NXF1: variants seen among roughly 807,000 people sequenced by gnomAD.
NXF1 encodes the protein nuclear RNA export factor 1.
A neutral mutation model predicts 92.4 loss-of-function variants in NXF1; 43 were observed. That is an observed-to-expected ratio of 0.47 (90% confidence interval 0.36 to 0.60). The LOEUF (loss-of-function observed/expected upper bound fraction) is 0.60. NXF1 is among the 20% of genes least tolerant of loss of function. The pLI, the probability that NXF1 is intolerant of heterozygous loss-of-function variation, is 0.00. For missense variants in NXF1, 576 were observed against 793.0 expected (o/e 0.73, Z 3.29); for synonymous variants, 288 against 292.2 (o/e 0.99, Z 0.15).
At position 62,792,141 on chromosome 11, in the gene NXF1, T is replaced by C. The variant is rs1388502574; in HGVS notation, c.*335A>G. On this transcript the variant is annotated 3_prime_UTR_variant, in exon 21 of 21. Transcript: ENST00000294172. ...CGCAGAACACGAAATACAACATCAC[T>C]CTTTATATTAAAAAGTGCAGAACAC... is the stretch of plus-strand genomic sequence containing the variant. 1.0e-5 allele frequency: 7 copies of C among 690,732 alleles called. No individual in the cohort carries two copies. The East Asian group carries it at 1.9e-4, about 19-fold the overall frequency. The allele number at this position is 690,732 out of a possible 1,614,324, so 42.8% of individuals were successfully genotyped here.
Position 62,795,924 on chromosome 11 carries a change from G to C in NXF1, c.1481C>G (p.Ser494Cys), listed in dbSNP as rs2084415335. The change falls in exon 17 of 21, where the codon TCT becomes TGT. Residue 494 changes from serine (S) to cysteine (C), a missense_variant. By Grantham distance (112) the Ser-to-Cys change is moderately radical (BLOSUM62 -1). Around this residue, in one of 2 missense-constraint regions of NXF1, gnomAD observed 425 missense variants for 635.2 expected, o/e 0.67. Coordinates refer to ENST00000294172, the MANE Select transcript of NXF1 (RefSeq NM_006362.5). ...SAQTSTLLCF[S>C]VNGVFKEVDG... is the part of the protein sequence containing the mutation. ...ACCTTCCTTGAAGACTCCATTGACA[G>C]AAAAACACAGCAATGTGCTCTGAAA... 10 of 1,613,862 alleles carry C rather than the reference G, an allele frequency of 6.2e-6. No individual in the cohort carries two copies. The East Asian group carries it at 2.2e-4, about 36-fold the overall frequency.
At chr11:62,802,385 G>A in intron 3 of NXF1, 125 bp from the exon 4 acceptor site, 1 of 702,426 alleles carries the variant, frequency 1.4e-6, no homozygotes, top group East Asian at 2.7e-5. Context: ...CCAGTACTAG[G>A]TTTTCTACTT....
chr11:62,801,086 A>T lies in NXF1; in HGVS notation c.906+8T>A. On this transcript the variant is annotated splice_region_variant and intron_variant, in intron 9 of 20. Coordinates refer to ENST00000294172, the MANE Select transcript of NXF1 (RefSeq NM_006362.5). The stretch of plus-strand genomic sequence containing the variant: ...CTTCAAAAATATAGCCGAGCTATCA[A>T]TTCTCACTTCATTTCCAGAAAGGTT... 6.2e-7 allele frequency: 1 copy of T among 1,606,212 alleles called. No homozygotes were observed. Among genetic ancestry groups the T allele is most frequent in the Non-Finnish European group, 8.5e-7 (1 of 1,172,818 alleles).
intron 18 of NXF1, 119 bp downstream of exon 18, chr11:62,794,816 T>G: frequency 2.2e-6 from 2 of 905,756 alleles, no homozygotes; most frequent in Non-Finnish European, 3.5e-6. Flanking sequence ...CTATGTGAGC[T>G]TTCTCTGATT....
rs768917028 is a variant in NXF1, at chr11:62,796,519, G to A, written c.1227C>T (p.Ala409=). 1.2e-6 allele frequency: 2 copies of A among 1,614,164 alleles called. No individual in the cohort carries two copies. The highest frequency in any genetic ancestry group is 1.7e-6 in the Non-Finnish European group (2 of 1,180,000). ...DSGDRQGLLD[A]YHDGACCSLS... ...GGGAACAGCAGGCCCCATCATGGTA[G>A]GCATCCAGGAGCCCTTGTCGGTCTC... Residue 409 remains alanine, a synonymous_variant, in exon 14 of 21, where the codon GCC becomes GCT. Transcript: ENST00000294172.
rs373618263 is a variant in NXF1 at position 62,801,394 on chromosome 11, C to T, written c.733G>A (p.Val245Ile). 53 of 1,613,970 alleles carry T rather than the reference C, an allele frequency of 3.3e-5. No homozygotes were observed. Among genetic ancestry groups the T allele is most frequent in the African/African-American group, 2.1e-4 (16 of 74,914 alleles). ...ATACAGCTTCTGCGATTCAGGACAA[C>T]GTCAATGTTCTGGGCCACCAAATCT... is the stretch of plus-strand genomic sequence containing the variant. ...DPDLVAQNID[V>I]VLNRRSCMAA... The change falls in exon 8 of 21, where the codon GTT becomes ATT. Residue 245 changes from valine to isoleucine, a missense_variant. Around this residue, in one of 2 missense-constraint regions of NXF1, gnomAD observed 425 missense variants for 635.2 expected, o/e 0.67. Transcript: ENST00000294172.
In NXF1 at chr11:62,792,660, T is replaced by C; in HGVS notation, c.1802A>G (p.Gln601Arg). The C allele has an allele frequency of 6.2e-7, 1 of 1,614,208 alleles. No homozygotes were observed. Among genetic ancestry groups the C allele is most frequent in the Non-Finnish European group, 8.5e-7 (1 of 1,180,040 alleles). The change falls in exon 20 of 21, where the codon CAG (glutamine) becomes CGG (arginine). Residue 601 changes from glutamine (Q) to arginine (R), a missense_variant. Physicochemically the swap from Gln to Arg is conservative, Grantham distance 43. Coordinates refer to ENST00000294172, the MANE Select transcript of NXF1 (RefSeq NM_006362.5). ...DNNWDYTRSA[Q>R]AFTHLKAKGE... ...CCTTACCTTGAGATGAGTGAAGGCC[T>C]GGGCAGATCTGGTGTAGTCCCAGTT... is the stretch of plus-strand genomic sequence containing the variant.
intron 5 of NXF1, 25 bp downstream of exon 5, chr11:62,801,917 G>A (rs1414152799): frequency 6.2e-7 from 1 of 1,611,252 alleles, no homozygotes; most frequent in Admixed American, 1.7e-5. Flanking sequence ...TCCACCTCCA[G>A]CCAAGCCAGG....
chr11:62,794,241 A>G lies in NXF1; in HGVS notation c.1760+17T>C. 2 of 1,604,992 alleles carry G rather than the reference A, an allele frequency of 1.2e-6. No individual in the cohort carries two copies. The highest frequency in any genetic ancestry group is 8.5e-7 in the Non-Finnish European group (1 of 1,172,444). On this transcript the variant is annotated intron_variant, in intron 19 of 20. Coordinates refer to ENST00000294172, the MANE Select transcript of NXF1 (RefSeq NM_006362.5). The stretch of plus-strand genomic sequence containing the variant: ...CTACTTCAGTGCATCCCCATCCTAC[A>G]CATGCCCCGCACTCACTTCTGGGAC...
At chr11:62,797,080 A>C (rs982271817) in intron 13 of NXF1, 103 bp downstream of exon 13, 73 of 1,097,832 alleles carry the variant, frequency 6.6e-5, no homozygotes, top group Non-Finnish European at 9.1e-5. Context: ...AAAAAAAAAA[A>C]AAACAAAACA....
chr11:62,793,407 T>C lies in NXF1; in HGVS notation c.1761-706A>G, dbSNP rs529390524. On this transcript the variant is annotated intron_variant, in intron 19 of 20. Transcript: ENST00000294172. ...TTAGGTTTTTTTAAGCAGCCAAAAG[T>C]TTTGCCTTTTAAAATTTCAGGAGCC... Among the ~76,000 whole-genome samples, 11 of 152,136 alleles carry C rather than the reference T, an allele frequency of 7.2e-5. No individual in the cohort carries two copies. The East Asian group carries it at 2.1e-3, about 29-fold the overall frequency.
intron 4 of NXF1, 53 bp downstream of exon 4, chr11:62,802,124 C>T: frequency 6.2e-7 from 1 of 1,606,800 alleles, no homozygotes; most frequent in Non-Finnish European, 8.5e-7. Context: ...GTCCAGCTTG[C>T]CCCTTCACCA....
At position 62,795,883 on chromosome 11, in the gene NXF1, G is replaced by A; in HGVS notation, c.1504+18C>T. 1 of 1,611,678 alleles carries A rather than the reference G, an allele frequency of 6.2e-7. No individual in the cohort carries two copies. On this transcript the variant is annotated intron_variant, in intron 17 of 20. Coordinates refer to ENST00000294172, the MANE Select transcript of NXF1 (RefSeq NM_006362.5). ...GGGTGGGACCACGCTACAAACTCGG[G>A]ACTCTAAAGATTCTTACCTTCCTTG...
At chr11:62,800,953 G>T in intron 9 of NXF1, 141 bp downstream of exon 9, 1 of 671,776 alleles carries the variant, frequency 1.5e-6, no homozygotes, top group Non-Finnish European at 2.6e-6. Flanking sequence ...TCCTGCCTTG[G>T]CCTCCCAAAG....
At chr11:62,799,713 G>A in intron 10 of NXF1, 1 of 986,194 alleles carries the variant, frequency 1.0e-6, no homozygotes, top group Non-Finnish European at 1.2e-6. Context: ...ACCTGCCTTG[G>A]GATTCCCTCG....
chr11:62,793,940 AC>A (rs1205553722), intron 19 of NXF1, among the ~76,000 whole-genome samples: 1 of 150,570 alleles, frequency 6.6e-6, no homozygotes, highest in Non-Finnish European at 1.5e-5. Context: ...GGCAGAGGTT[AC>A]AATGAGCCAA....
chr11:62,802,411 T>A, intron 3 of NXF1, 151 bp from the exon 4 acceptor site: 1 of 629,808 alleles, frequency 1.6e-6, no homozygotes, highest in East Asian at 2.8e-5. Context: ...ACACATAGAT[T>A]CTTTAACTCC....
At chr11:62,802,998 T>C (rs2084495719) in intron 3 of NXF1, among the ~76,000 whole-genome samples, 1 of 152,146 alleles carries the variant, frequency 6.6e-6, no homozygotes, top group Admixed American at 6.5e-5. Flanking sequence ...AAAAGATAGA[T>C]ACTTGAGTGT....
intron 3 of NXF1, among the ~76,000 whole-genome samples, chr11:62,803,058 T>C (rs758192960): frequency 4.6e-4 from 70 of 152,164 alleles, no homozygotes; most frequent in Non-Finnish European, 1.2e-4. Flanking sequence ...CGGTGGCTCA[T>C]GCCTATAATC....
Sources: allele counts gnomAD v4.1 joint callset (sites outside exome capture counted in the v4.1 genomes callset), GRCh38; gene constraint gnomAD v4.1.1; regional missense constraint gnomAD v4.1.1; transcripts MANE v1.5; gene names NCBI Gene and HGNC (gene_info 2026-07-23, HGNC 2026-07-21).